The following GRAMD1B variants were observed in gnomAD, a reference collection of about 807,000 sequenced individuals.
The protein encoded by GRAMD1B is protein Aster-B.
GRAMD1B carries 37 observed loss-of-function variants against 99.7 expected under a neutral mutation model. That is an observed-to-expected ratio of 0.37 (90% CI 0.29 to 0.49). GRAMD1B has a LOEUF of 0.49. Among genes scored for constraint, GRAMD1B ranks in the 20% least tolerant of loss-of-function variants. The pLI, the probability that GRAMD1B is intolerant of heterozygous loss-of-function variation, is 0.98. For missense variants in GRAMD1B, 888 were observed against 1,009.2 expected (o/e 0.88, Z 1.63); for synonymous variants, 427 against 387.6 (o/e 1.10, Z -1.19).
intron 1 of GRAMD1B, among the ~76,000 whole-genome samples, chr11:123,390,787 A>G (rs2087802861): frequency 1.3e-5 from 2 of 152,256 alleles, no homozygotes; most frequent in African/African-American, 4.8e-5. Flanking sequence ...CTTTGACCCC[A>G]TCTAGGCCAA....
At chr11:123,590,839 G>A (rs1352953639) in intron 4 of GRAMD1B, among the ~76,000 whole-genome samples, 1 of 152,168 alleles carries the variant, frequency 6.6e-6, no homozygotes, top group Non-Finnish European at 1.5e-5. Context: ...TGGGGAGCTG[G>A]GCATTCGGTT....
chr11:123,583,782 C>A (rs1949733633), intron 3 of GRAMD1B, among the ~76,000 whole-genome samples: 1 of 152,142 alleles, frequency 6.6e-6, no homozygotes, highest in Non-Finnish European at 1.5e-5. Context: ...CCGACCATTG[C>A]AGTTTAGGTA....
chr11:123,463,093 C>T (rs1950514461), intron 1 of GRAMD1B, among the ~76,000 whole-genome samples: 2 of 152,194 alleles, frequency 1.3e-5, no homozygotes. Context: ...ACCGCAACCC[C>T]TGCCTCCTAG....
In GRAMD1B at chr11:123,526,137, G is replaced by A. The variant is rs371505646; in HGVS notation, c.452+45244G>A. On this transcript the variant is annotated intron_variant, in intron 2 of 19. Coordinates refer to ENST00000635736, the MANE Select transcript of GRAMD1B (RefSeq NM_001387025.1). The stretch of plus-strand genomic sequence containing the variant: ...CTAAGGACACGGTCAGTGGATTATC[G>A]TGACTGTACTAATGAAAGGATTCAA... 30 of 1,612,216 alleles carry A rather than the reference G, an allele frequency of 1.9e-5. No individual in the cohort carries two copies. In the Middle Eastern group the frequency reaches 8.2e-4, roughly 44 times the overall value.
intron 4 of GRAMD1B, among the ~76,000 whole-genome samples, chr11:123,593,370 G>A (rs1220352697): frequency 6.6e-6 from 1 of 152,188 alleles, no homozygotes; most frequent in African/African-American, 2.4e-5. Context: ...TGCAGTGGGG[G>A]GAAGTGAGCA....
At chr11:123,519,646 C>A (rs753346057) in intron 2 of GRAMD1B, among the ~76,000 whole-genome samples, 4 of 152,234 alleles carry the variant, frequency 2.6e-5, no homozygotes, top group Admixed American at 6.5e-5. Flanking sequence ...AGCTATGCCC[C>A]GGTACTGCAG....
chr11:123,572,942 G>A (rs1948299612), intron 2 of GRAMD1B, among the ~76,000 whole-genome samples: 1 of 150,940 alleles, frequency 6.6e-6, no homozygotes, highest in East Asian at 2.0e-4. Context: ...AGGCCCCGAT[G>A]GCTGGGGCAG....
At chr11:123,409,756 T>C (rs1298411680) in intron 1 of GRAMD1B, among the ~76,000 whole-genome samples, 1 of 152,180 alleles carries the variant, frequency 6.6e-6, no homozygotes, top group Non-Finnish European at 1.5e-5. Context: ...ATTTCTGCTT[T>C]CAAAGTCTGT....
chr11:123,534,617 C>G (rs1198524608), intron 2 of GRAMD1B, among the ~76,000 whole-genome samples: 1 of 152,114 alleles, frequency 6.6e-6, no homozygotes, highest in East Asian at 1.9e-4. Flanking sequence ...AATCCCAGCA[C>G]TTTGGGAGGC....
intron 1 of GRAMD1B, among the ~76,000 whole-genome samples, chr11:123,434,544 T>G (rs1309460767): frequency 6.6e-6 from 1 of 152,050 alleles, no homozygotes. Flanking sequence ...ATCCCAGCAC[T>G]TTGGGAGGCT....
chr11:123,410,660 G>T (rs1289794316), intron 1 of GRAMD1B, among the ~76,000 whole-genome samples: 1 of 152,074 alleles, frequency 6.6e-6, no homozygotes, highest in African/African-American at 2.4e-5. Flanking sequence ...AGAGCTGGAA[G>T]AGCACATGCT....
At chr11:123,414,220 T>C (rs1405790385) in intron 1 of GRAMD1B, among the ~76,000 whole-genome samples, 1 of 152,128 alleles carries the variant, frequency 6.6e-6, no homozygotes, top group Non-Finnish European at 1.5e-5. Context: ...AATTTTTGTA[T>C]TTTTAGTAGA....
At chr11:123,577,668 C>G (rs574694068) in intron 3 of GRAMD1B, 91 bp downstream of exon 3, 4 of 961,900 alleles carry the variant, frequency 4.2e-6, no homozygotes, top group African/African-American at 1.6e-5. Flanking sequence ...CTGCGAGGGT[C>G]CTCACGTGAT....
rs138083511 is a variant in GRAMD1B, at chr11:123,548,325, T to TACACACACACAC, written c.453-29028_453-29017dup. ...ATATATATATATATATATATATATA[T>TACACACACACAC]ACACACACACACACACACACACACA... On this transcript the variant is annotated intron_variant, in intron 2 of 19. Coordinates refer to ENST00000635736, the MANE Select transcript of GRAMD1B (RefSeq NM_001387025.1). Among the ~76,000 whole-genome samples, 192 of 86,826 alleles carry TACACACACACAC rather than the reference T, an allele frequency of 2.2e-3. 2 individuals are homozygous for TACACACACACAC. The highest frequency in any genetic ancestry group is 3.1e-3 in the Non-Finnish European group (148 of 47,582). 57.0% of individuals were successfully genotyped at this position (86,826 alleles called of 152,430 possible). A position where few individuals can be genotyped will look rare whatever the true frequency, so the allele number is the denominator to read the frequency against.
At chr11:123,390,712 T>C (rs1306398188) in intron 1 of GRAMD1B, among the ~76,000 whole-genome samples, 2 of 152,368 alleles carry the variant, frequency 1.3e-5, no homozygotes, top group African/African-American at 4.8e-5. Context: ...GCTTATTTCC[T>C]TTGCAGGATT....
At chr11:123,477,906 C>T (rs1424889882) in intron 1 of GRAMD1B, among the ~76,000 whole-genome samples, 3 of 151,904 alleles carry the variant, frequency 2.0e-5, no homozygotes, top group African/African-American at 7.3e-5. Flanking sequence ...TCCCAAGTAG[C>T]TGGGATTACA....
chr11:123,565,306 T>C (rs972939929), intron 2 of GRAMD1B, among the ~76,000 whole-genome samples: 2 of 151,888 alleles, frequency 1.3e-5, no homozygotes, highest in Non-Finnish European at 2.9e-5. Context: ...CCCGAAGTGC[T>C]GGGATTACAG....
intron 1 of GRAMD1B, among the ~76,000 whole-genome samples, chr11:123,412,145 A>G (rs1300135427): frequency 2.0e-5 from 3 of 152,212 alleles, no homozygotes; most frequent in Non-Finnish European, 4.4e-5. Context: ...TAAACTAGTT[A>G]ATATACAGTG....
chr11:123,452,985 C>T (rs779124174), intron 1 of GRAMD1B, among the ~76,000 whole-genome samples: 1 of 152,146 alleles, frequency 6.6e-6, no homozygotes, highest in East Asian at 1.9e-4. Context: ...GTGTTACTTT[C>T]AGTGCATTTT....
Sources: allele counts gnomAD v4.1 joint callset (sites outside exome capture counted in the v4.1 genomes callset), GRCh38; gene constraint gnomAD v4.1.1; transcripts MANE v1.5; gene names NCBI Gene and HGNC (gene_info 2026-07-23, HGNC 2026-07-21).